The following SCRG1 variants were observed in gnomAD, a reference collection of about 807,000 sequenced individuals.
SCRG1 encodes the protein stimulator of chondrogenesis 1.
SCRG1 carries 3 observed loss-of-function variants against 7.7 expected under a neutral mutation model. The observed-to-expected ratio is 0.39, with a 90% CI of 0.18 to 1.01. The LOEUF (loss-of-function observed/expected upper bound fraction) is 1.01, where lower values mean the gene tolerates loss of function less well. Ranked by LOEUF, SCRG1 falls within the 50% of genes least tolerant of loss-of-function variation. The pLI, the probability that SCRG1 is intolerant of heterozygous loss-of-function variation, is 0.36. For synonymous variants in SCRG1, 46 were observed against 41.2 expected (o/e 1.12, Z -0.44); for missense variants, 110 against 117.2 (o/e 0.94, Z 0.28).
upstream of SCRG1, among the ~76,000 whole-genome samples, chr4:173,410,837 G>T (rs929737477): frequency 7.2e-5 from 11 of 152,178 alleles, no homozygotes; most frequent in African/African-American, 2.7e-4. Flanking sequence ...AATAGAAAAT[G>T]CTTCTTCGGT....
At chr4:173,415,061 CAAT>C in the SCRG1 span, among the ~76,000 whole-genome samples, 4 of 152,274 alleles carry the variant, frequency 2.6e-5, no homozygotes, top group African/African-American at 9.6e-5. Flanking sequence ...TTTATATGCA[CAAT>C]AAAAGCGTTA....
the SCRG1 span, among the ~76,000 whole-genome samples, chr4:173,484,683 T>TATATTATATATTATATTCATATAATAC: frequency 2.0e-5 from 1 of 50,064 alleles, no homozygotes; most frequent in Non-Finnish European, 3.8e-5. Flanking sequence ...ATGTATAATA[T>TATATTATATATTATATTCATATAATAC]ATATTATATA....
the SCRG1 span, among the ~76,000 whole-genome samples, chr4:173,413,972 C>T: frequency 6.6e-6 from 1 of 152,162 alleles, no homozygotes; most frequent in Non-Finnish European, 1.5e-5. Context: ...TCCCAGGTAC[C>T]TTGATAATGG....
the SCRG1 span, among the ~76,000 whole-genome samples, chr4:173,496,076 C>T: frequency 3.9e-5 from 6 of 152,034 alleles, no homozygotes; most frequent in Admixed American, 1.3e-4. Flanking sequence ...CTCAGAATCA[C>T]GGCTTAATGT....
the SCRG1 span, among the ~76,000 whole-genome samples, chr4:173,492,624 C>T: frequency 0.015 from 2,232 of 152,208 alleles, 41 homozygotes; most frequent in African/African-American, 0.042. Flanking sequence ...GTAGAGTCAG[C>T]GGCAACCATC....
the SCRG1 span, among the ~76,000 whole-genome samples, chr4:173,483,347 G>C: frequency 2.7e-3 from 19 of 7,104 alleles, no homozygotes; most frequent in African/African-American, 6.5e-3. Flanking sequence ...TATTACATAT[G>C]ATATATTATA....
At chr4:173,397,673 T>C (rs1739644306) in intron 1 of SCRG1, among the ~76,000 whole-genome samples, 1 of 152,198 alleles carries the variant, frequency 6.6e-6, no homozygotes. Context: ...AAGCAAGCTT[T>C]TGAATGGCTG....
chr4:173,420,759 G>A, the SCRG1 span, among the ~76,000 whole-genome samples: 1 of 151,896 alleles, frequency 6.6e-6, no homozygotes, highest in Non-Finnish European at 1.5e-5. Context: ...AGGGCAGAAA[G>A]TGTTGGCTTC....
In SCRG1 at chr4:173,391,319, T is replaced by G. The variant is rs1233468422; in HGVS notation, c.96A>C (p.Ile32=). ...PANRLSCYRK[I]LKDHNCHNLP... ...GGTTGTGACAGTTGTGATCTTTTAGTATCTTTCTGTAGCAAGAGAGGCGAT... is the reference window on the plus strand; with the variant it reads ...GGTTGTGACAGTTGTGATCTTTTAGGATCTTTCTGTAGCAAGAGAGGCGAT... Residue 32 remains isoleucine, a synonymous_variant, in exon 2 of 3, where the codon ATA becomes ATC. Transcript: ENST00000296506. 6.2e-7 allele frequency: 1 copy of G among 1,614,222 alleles called. No homozygotes were observed. Among genetic ancestry groups the G allele is most frequent in the Non-Finnish European group, 8.5e-7 (1 of 1,180,044 alleles).
At chr4:173,515,784 C>A in the SCRG1 span, among the ~76,000 whole-genome samples, 1 of 152,146 alleles carries the variant, frequency 6.6e-6, no homozygotes, top group Admixed American at 6.5e-5. The surrounding 1 kb of genome is among the most constrained non-coding windows in gnomAD (Gnocchi z 4.6). Context: ...TCCACTGAGG[C>A]TCCTAATTGC....
the SCRG1 span, among the ~76,000 whole-genome samples, chr4:173,463,423 C>T: frequency 4.6e-5 from 7 of 152,144 alleles, no homozygotes; most frequent in Admixed American, 2.6e-4. Flanking sequence ...CACAGGCACA[C>T]GCCACCATGC....
chr4:173,395,247 G>A (rs1012779068), intron 1 of SCRG1, among the ~76,000 whole-genome samples: 15 of 152,196 alleles, frequency 9.9e-5, no homozygotes, highest in South Asian at 4.2e-4. Context: ...TCATTAGACC[G>A]AAGGCTCCAT....
chr4:173,485,313 T>TC, the SCRG1 span, among the ~76,000 whole-genome samples: 2 of 146,042 alleles, frequency 1.4e-5, no homozygotes, highest in Non-Finnish European at 3.0e-5. Flanking sequence ...GCTTTCATTG[T>TC]CTACCAAGTG....
At chr4:173,449,723 G>C in the SCRG1 span, among the ~76,000 whole-genome samples, 2 of 152,206 alleles carry the variant, frequency 1.3e-5, no homozygotes, top group African/African-American at 4.8e-5. Context: ...TTATGTTGAG[G>C]TGGGCAGTAT....
the SCRG1 span, among the ~76,000 whole-genome samples, chr4:173,492,917 C>G: frequency 0.043 from 6,554 of 152,214 alleles, 480 homozygotes; most frequent in African/African-American, 0.15. Flanking sequence ...GGAAACCTAC[C>G]AATGCCATGT....
At chr4:173,388,556 A>G (rs947456262) in intron 2 of SCRG1, among the ~76,000 whole-genome samples, 161 bp from the exon 3 acceptor site, 10 of 152,236 alleles carry the variant, frequency 6.6e-5, no homozygotes, top group Non-Finnish European at 1.2e-4. Context: ...TTGCCACAGA[A>G]GCAACAAAGA....
At chr4:173,409,495 A>G (rs975322521), upstream of SCRG1, among the ~76,000 whole-genome samples, 5 of 151,796 alleles carry the variant, frequency 3.3e-5, no homozygotes, top group African/African-American at 9.7e-5. Flanking sequence ...GTATCCTTCC[A>G]GGTTGTGACT....
the SCRG1 span, among the ~76,000 whole-genome samples, chr4:173,500,884 C>T: frequency 6.6e-6 from 1 of 152,216 alleles, no homozygotes; most frequent in African/African-American, 2.4e-5. Context: ...CGTCCTTCTA[C>T]CCACCGCCGG....
upstream of SCRG1, among the ~76,000 whole-genome samples, chr4:173,409,545 A>C (rs528306597): frequency 2.8e-4 from 42 of 151,846 alleles, no homozygotes; most frequent in African/African-American, 8.9e-4. Context: ...AAGATAGACT[A>C]AGATATGAAT....
Sources: allele counts gnomAD v4.1 joint callset (sites outside exome capture counted in the v4.1 genomes callset), GRCh38; gene constraint gnomAD v4.1.1; non-coding constraint Gnocchi (gnomAD v3.1); transcripts MANE v1.5; gene names NCBI Gene and HGNC (gene_info 2026-07-23, HGNC 2026-07-21).